Variants in ZNF429 observed in about 807,000 individuals in gnomAD.
The protein encoded by ZNF429 is zinc finger protein 429.
Under a neutral mutation model 56.8 loss-of-function variants are expected in ZNF429, and 53 were observed. The observed-to-expected ratio is 0.93, with a 90% confidence interval of 0.75 to 1.17. The LOEUF (loss-of-function observed/expected upper bound fraction) is 1.17, where lower values mean the gene tolerates loss of function less well. ZNF429 is among the 50% of genes most tolerant of loss of function. The pLI, the probability that ZNF429 is intolerant of heterozygous loss-of-function variation, is 0.00. For missense variants in ZNF429, 849 were observed against 788.4 expected (o/e 1.08, Z -0.92); for synonymous variants, 278 against 264.7 (o/e 1.05, Z -0.49).
Position 21,537,766 on chromosome 19 carries a change from C to A in ZNF429, c.1713C>A (p.Asp571Glu), listed in dbSNP as rs763713810. ...GEKPYKCKQC[D>E]KAFTHSSNLS... ...AACCCTACAAATGTAAACAATGTGA[C>A]AAAGCTTTTACCCACTCCTCAAACC... The change falls in exon 4 of 4, where the codon GAC becomes GAA. Residue 571 changes from aspartate (D) to glutamate (E), a missense_variant. Coordinates refer to ENST00000358491, the MANE Select transcript of ZNF429 (RefSeq NM_001001415.4). 6.2e-7 allele frequency: 1 copy of A among 1,613,666 alleles called. No homozygotes were observed. The highest frequency in any genetic ancestry group is 8.5e-7 in the Non-Finnish European group (1 of 1,179,972).
chr19:21,531,114 A>C, intron 3 of ZNF429, among the ~76,000 whole-genome samples: 1 of 98,270 alleles, frequency 1.0e-5, no homozygotes, highest in East Asian at 2.5e-4. Flanking sequence ...CTCAAAAAAA[A>C]AAAAAAAAAA....
At chr19:21,509,984 C>T (rs1485745681) in intron 1 of ZNF429, among the ~76,000 whole-genome samples, 1 of 151,648 alleles carries the variant, frequency 6.6e-6, no homozygotes, top group Non-Finnish European at 1.5e-5. Context: ...TCTCTGCTTA[C>T]TGCAACCTCC....
chr19:21,534,937 G>A, intron 3 of ZNF429, among the ~76,000 whole-genome samples: 1 of 150,456 alleles, frequency 6.6e-6, no homozygotes, highest in Non-Finnish European at 1.5e-5. Flanking sequence ...AGCCTCCCGA[G>A]TAGCTGGGAC....
intron 1 of ZNF429, chr19:21,521,616 T>G (rs1417522463): frequency 2.0e-5 from 3 of 152,284 alleles, no homozygotes; most frequent in Non-Finnish European, 4.4e-5. Context: ...GCTTTTAACT[T>G]AGTTTGTTCT....
At chr19:21,508,873 A>G (rs2032315596) in intron 1 of ZNF429, among the ~76,000 whole-genome samples, 1 of 152,212 alleles carries the variant, frequency 6.6e-6, no homozygotes. Flanking sequence ...TCATGAAAAC[A>G]TCAGTTGTTT....
chr19:21,506,464 G>T (rs897302698), intron 1 of ZNF429, among the ~76,000 whole-genome samples: 57 of 150,856 alleles, frequency 3.8e-4, no homozygotes, highest in African/African-American at 1.4e-3. Flanking sequence ...AAAAAAAAGG[G>T]GAGTCACTGC....
rs1257168028 is a variant in ZNF429 at position 21,539,234 on chromosome 19, TATG to T, written c.*1159_*1161del. 6.6e-6 allele frequency among the ~76,000 whole-genome samples: 1 copy of T among 152,108 alleles called. No individual in the cohort carries two copies. Among genetic ancestry groups the T allele is most frequent in the Non-Finnish European group, 1.5e-5 (1 of 68,016 alleles). ...GAATACATGTATTAAATACATAGAA[TATG>T]ATATTTAATACATAGAAAAGTCTAC... On this transcript the variant is annotated 3_prime_UTR_variant, in exon 4 of 4. Transcript: ENST00000358491.
At chr19:21,514,058 A>T (rs28898308) in intron 1 of ZNF429, among the ~76,000 whole-genome samples, 81,252 of 151,952 alleles carry the variant, frequency 0.53, 21,895 homozygotes, top group East Asian at 0.62. Flanking sequence ...GTTCTGGGCC[A>T]CCTGTTTGTA....
At chr19:21,511,778 C>T (rs1029634692) in intron 1 of ZNF429, among the ~76,000 whole-genome samples, 1 of 152,260 alleles carries the variant, frequency 6.6e-6, no homozygotes, top group South Asian at 2.1e-4. Context: ...GCACTCCAGC[C>T]TGGGCACCAT....
chr19:21,534,832 C>T lies in ZNF429; in HGVS notation c.227-1448C>T. Among the ~76,000 whole-genome samples the T allele has an allele frequency of 4.8e-5, 7 of 146,832 alleles. No homozygotes were observed. In the South Asian group the frequency reaches 6.4e-4, roughly 13 times the overall value. On this transcript the variant is annotated intron_variant, in intron 3 of 3. Coordinates refer to ENST00000358491, the MANE Select transcript of ZNF429 (RefSeq NM_001001415.4). ...TTCGTTTGTTTGTTTTTTTTTGAGA[C>T]GGAGTATCGCTCTGTCGCCCAGGCT...
rs576160621 is a variant in ZNF429, at chr19:21,539,612, G to C, written c.*1534G>C. On this transcript the variant is annotated 3_prime_UTR_variant, in exon 4 of 4. Transcript: ENST00000358491. Reference sequence around the variant, plus strand: ...ATTTTTTTTTTTTTTTGTATTTTTAGTAGAGATGAGATTTCACCATTTTGT... The same window carrying C: ...ATTTTTTTTTTTTTTTGTATTTTTACTAGAGATGAGATTTCACCATTTTGT... Among the ~76,000 whole-genome samples the C allele has an allele frequency of 2.9e-5, 4 of 137,452 alleles. No homozygotes were observed. The South Asian group carries it at 9.0e-4, about 31-fold the overall frequency. 90.2% of individuals were successfully genotyped at this position (137,452 alleles called of 152,430 possible).
At chr19:21,516,643 G>A (rs966743928) in intron 1 of ZNF429, among the ~76,000 whole-genome samples, 23 of 151,980 alleles carry the variant, frequency 1.5e-4, no homozygotes, top group African/African-American at 3.9e-4. Flanking sequence ...AGTTCTTGTC[G>A]TAGAGATTTT....
At chr19:21,510,168 T>C (rs905802361) in intron 1 of ZNF429, among the ~76,000 whole-genome samples, 1 of 151,956 alleles carries the variant, frequency 6.6e-6, no homozygotes, top group African/African-American at 2.4e-5. Flanking sequence ...CTTTCTTTCA[T>C]AGGGGTGAGC....
At chr19:21,535,307 C>CTTTCTTTCTTTCTT in intron 3 of ZNF429, among the ~76,000 whole-genome samples, 2,185 of 128,868 alleles carry the variant, frequency 0.017, 276 homozygotes, top group African/African-American at 0.053. Context: ...TTCTTTCTTT[C>CTTTCTTTCTTTCTT]TTTCTTTCTT....
intron 3 of ZNF429, among the ~76,000 whole-genome samples, chr19:21,532,928 C>G: frequency 2.4e-4 from 36 of 152,050 alleles, no homozygotes; most frequent in Admixed American, 8.5e-4. Context: ...GAACTCCTGA[C>G]AGGTGATCTG....
intron 1 of ZNF429, among the ~76,000 whole-genome samples, chr19:21,509,523 C>T (rs1371513512): frequency 6.6e-6 from 1 of 152,142 alleles, no homozygotes; most frequent in Admixed American, 6.5e-5. Flanking sequence ...CAAGCTAAGG[C>T]TAATATTGAG....
intron 1 of ZNF429, among the ~76,000 whole-genome samples, chr19:21,518,005 T>C (rs2032831611): frequency 1.1e-5 from 1 of 91,306 alleles, no homozygotes. Context: ...GCCAGGATGG[T>C]CTCTTATCTC....
At chr19:21,509,773 G>A (rs2681389) in intron 1 of ZNF429, among the ~76,000 whole-genome samples, 122,703 of 152,204 alleles carry the variant, frequency 0.81, 50,123 homozygotes, top group African/African-American at 0.94. Flanking sequence ...ACTTTGTAAA[G>A]TAGAACAAAG....
Position 21,539,718 on chromosome 19 carries a change from A to T in ZNF429, c.*1640A>T, listed in dbSNP as rs1457194897. Among the ~76,000 whole-genome samples the T allele has an allele frequency of 6.6e-6, 1 of 152,138 alleles. No homozygotes were observed. Among genetic ancestry groups the T allele is most frequent in the South Asian group, 2.1e-4 (1 of 4,812 alleles). Reference sequence around the variant, plus strand: ...AGTGCTGGGATTGCAGCCATGAGCCACTGCACCCAGCCCAAAGTATGCTTT... The same window carrying T: ...AGTGCTGGGATTGCAGCCATGAGCCTCTGCACCCAGCCCAAAGTATGCTTT... On this transcript the variant is annotated 3_prime_UTR_variant, in exon 4 of 4. Coordinates refer to ENST00000358491, the MANE Select transcript of ZNF429 (RefSeq NM_001001415.4).
Sources: allele counts gnomAD v4.1 joint callset (sites outside exome capture counted in the v4.1 genomes callset), GRCh38; gene constraint gnomAD v4.1.1; transcripts MANE v1.5; gene names NCBI Gene and HGNC (gene_info 2026-07-23, HGNC 2026-07-21).